PRKCQ: variants seen among roughly 807,000 people sequenced by gnomAD.
The protein encoded by PRKCQ is protein kinase C theta type.
Under a neutral mutation model 91.2 loss-of-function variants are expected in PRKCQ, and 41 were observed. The observed-to-expected ratio is 0.45, with a 90% CI of 0.35 to 0.58. The LOEUF (loss-of-function observed/expected upper bound fraction) is 0.58. Ranked by LOEUF, PRKCQ falls within the 20% of genes least tolerant of loss-of-function variation. The probability of loss-of-function intolerance (pLI) is 0.00; values close to 1 mark genes in which losing one functional copy is unlikely to be tolerated. For synonymous variants in PRKCQ, 307 were observed against 316.9 expected, an observed-to-expected ratio of 0.97 and a Z score of 0.33; for missense variants, 673 against 896.5, an observed-to-expected ratio of 0.75 and a Z score of 3.18.
At chr10:6,395,417 A>G in the PRKCQ span, among the ~76,000 whole-genome samples, 2 of 151,966 alleles carry the variant, frequency 1.3e-5, no homozygotes, top group African/African-American at 4.8e-5. Flanking sequence ...CAGGGATCAG[A>G]GTTTTTAAGA....
chr10:6,541,352 G>T (rs1839769604), intron 1 of PRKCQ, among the ~76,000 whole-genome samples: 1 of 152,144 alleles, frequency 6.6e-6, no homozygotes, highest in African/African-American at 2.4e-5. Flanking sequence ...TTTGAGTTTT[G>T]TGTGGTCTGC....
rs180873167 is a variant in PRKCQ at position 6,492,699 on chromosome 10, G to C, written c.661-887C>G. On this transcript the variant is annotated intron_variant, in intron 7 of 17. Transcript: ENST00000263125. The stretch of plus-strand genomic sequence containing the variant: ...AATTTTTTTAAAAAACAGTTTTCCA[G>C]AGTTTAAATCAAACTTATTGCAGGA... Among the ~76,000 whole-genome samples, 3 of 152,294 alleles carry C rather than the reference G, an allele frequency of 2.0e-5. No homozygotes were observed. In the East Asian group the frequency reaches 5.8e-4, roughly 29 times the overall value.
At chr10:6,530,380 C>T (rs1369239814) in intron 1 of PRKCQ, among the ~76,000 whole-genome samples, 1 of 152,182 alleles carries the variant, frequency 6.6e-6, no homozygotes, top group South Asian at 2.1e-4. Flanking sequence ...CTCCCGCGGG[C>T]GTGTGACACT....
intron 14 of PRKCQ, among the ~76,000 whole-genome samples, chr10:6,460,462 T>C (rs1005470723): frequency 6.6e-6 from 1 of 151,850 alleles, no homozygotes; most frequent in African/African-American, 2.4e-5. Flanking sequence ...TCCCTCCTAA[T>C]TTTTATTCCT....
Position 6,565,099 on chromosome 10 carries a change from A to C in PRKCQ, c.-10+15112T>G, listed in dbSNP as rs534056618. 2.6e-3 allele frequency among the ~76,000 whole-genome samples: 401 copies of C among 152,348 alleles called. 2 individuals are homozygous for C. Among genetic ancestry groups the C allele is most frequent in the Non-Finnish European group, 4.7e-3 (323 of 68,026 alleles). Reference sequence around the variant, plus strand: ...ATGGGTAGTGTTTAGATGAACATTCAAGCAAATATACGTTTCACTTTTTGA... The same window carrying C: ...ATGGGTAGTGTTTAGATGAACATTCCAGCAAATATACGTTTCACTTTTTGA... On this transcript the variant is annotated intron_variant, in intron 1 of 17. Transcript: ENST00000263125.
chr10:6,453,743 A>C (rs1409978886), intron 15 of PRKCQ, among the ~76,000 whole-genome samples: 1 of 58,200 alleles, frequency 1.7e-5, no homozygotes, highest in African/African-American at 8.6e-5. Flanking sequence ...TGCAGCCATA[A>C]AAAAATGATG....
At chr10:6,441,859 G>C (rs537408287) in intron 16 of PRKCQ, 34 bp downstream of exon 16, 1 of 1,562,474 alleles carries the variant, frequency 6.4e-7, no homozygotes, top group Non-Finnish European at 8.7e-7. Flanking sequence ...CCTAATGCTC[G>C]TCTTATGAAG....
intron 17 of PRKCQ, 58 bp from the exon 18 acceptor site, chr10:6,428,420 G>T (rs1425477886): frequency 1.3e-6 from 2 of 1,567,390 alleles, no homozygotes; most frequent in Non-Finnish European, 1.7e-6. Flanking sequence ...TTAAGTTCAT[G>T]ATCTTCACTT....
chr10:6,404,915 T>A, the PRKCQ span, among the ~76,000 whole-genome samples: 1 of 145,082 alleles, frequency 6.9e-6, no homozygotes, highest in Non-Finnish European at 1.5e-5. Context: ...CCTTCCTCCC[T>A]CCTTCCTTCC....
chr10:6,509,026 C>A (rs1190680884), intron 3 of PRKCQ, among the ~76,000 whole-genome samples: 29 of 152,114 alleles, frequency 1.9e-4, no homozygotes. Context: ...GTCCCAACAA[C>A]CTGTTGGCTC....
chr10:6,554,645 A>G (rs1210813718), intron 1 of PRKCQ, among the ~76,000 whole-genome samples: 1 of 152,224 alleles, frequency 6.6e-6, no homozygotes, highest in Non-Finnish European at 1.5e-5. Flanking sequence ...TGTGTTAGGA[A>G]AATGATCCCA....
At chr10:6,505,241 G>A (rs1194239634) in intron 4 of PRKCQ, among the ~76,000 whole-genome samples, 1 of 152,032 alleles carries the variant, frequency 6.6e-6, no homozygotes, top group Non-Finnish European at 1.5e-5. Context: ...TATTGTTTAC[G>A]GAATATCATT....
At chr10:6,453,968 G>A (rs1273314302) in intron 15 of PRKCQ, among the ~76,000 whole-genome samples, 2 of 151,980 alleles carry the variant, frequency 1.3e-5, no homozygotes, top group African/African-American at 4.8e-5. Flanking sequence ...TATACCTAAT[G>A]CTAAATGACG....
chr10:6,551,970 T>A (rs190585863), intron 1 of PRKCQ, among the ~76,000 whole-genome samples: 1 of 152,230 alleles, frequency 6.6e-6, no homozygotes, highest in Non-Finnish European at 1.5e-5. Context: ...CTCCACAACC[T>A]TGCCAGCATC....
intron 15 of PRKCQ, among the ~76,000 whole-genome samples, chr10:6,446,714 G>A (rs990501364): frequency 1.3e-5 from 2 of 152,170 alleles, no homozygotes; most frequent in Non-Finnish European, 2.9e-5. Context: ...CAGCAAGGGT[G>A]GCCCCTTTCT....
the PRKCQ span, among the ~76,000 whole-genome samples, chr10:6,404,422 CTCTT>C: frequency 2.1e-4 from 22 of 103,736 alleles, no homozygotes; most frequent in Admixed American, 5.4e-4. Flanking sequence ...TTTCTTTTTT[CTCTT>C]TCTTTCTCTC....
intron 2 of PRKCQ, among the ~76,000 whole-genome samples, chr10:6,513,848 T>C (rs1838616167): frequency 6.6e-6 from 1 of 152,188 alleles, no homozygotes; most frequent in South Asian, 2.1e-4. Context: ...CAGTTTCTTC[T>C]TGTATCTGCA....
upstream of PRKCQ, chr10:6,580,373 G>A (rs1020002819): frequency 5.3e-5 from 8 of 151,112 alleles, no homozygotes; most frequent in African/African-American, 1.7e-4. Context: ...GCCCGCCAGG[G>A]GGCGCTCGCC....
chr10:6,466,491 C>T (rs1412901063), intron 12 of PRKCQ, among the ~76,000 whole-genome samples: 1 of 152,176 alleles, frequency 6.6e-6, no homozygotes, highest in South Asian at 2.1e-4. Context: ...ATGTTGGATG[C>T]CCCACATTTA....
Sources: allele counts gnomAD v4.1 joint callset (sites outside exome capture counted in the v4.1 genomes callset), GRCh38; gene constraint gnomAD v4.1.1; transcripts MANE v1.5; gene names NCBI Gene and HGNC (gene_info 2026-07-23, HGNC 2026-07-21).